Variants in TTLL7 observed in about 807,000 individuals in gnomAD.
The protein encoded by TTLL7 is tubulin tyrosine ligase like 7, also known as tubulin polyglutamylase TTLL7.
A neutral mutation model predicts 120.2 loss-of-function variants in TTLL7; 53 were observed. The observed-to-expected ratio is 0.44, with a 90% CI of 0.35 to 0.55. The LOEUF is 0.55. Ranked by LOEUF, TTLL7 falls within the 20% of genes least tolerant of loss-of-function variation. The pLI is 0.00. For synonymous variants in TTLL7, 353 were observed against 351.7 expected, an observed-to-expected ratio of 1.00 and a Z score of -0.04; for missense variants, 803 against 1,054.7, an observed-to-expected ratio of 0.76 and a Z score of 3.31.
At chr1:83,979,307 G>A (rs894440867) in intron 1 of TTLL7, 2 of 152,200 alleles carry the variant, frequency 1.3e-5, no homozygotes, top group Non-Finnish European at 2.9e-5. Context: ...TGTTCCTTGT[G>A]TGCTGAGTCT....
At chr1:83,883,208 T>A in intron 19 of TTLL7, 72 bp from the exon 20 acceptor site, 1 of 1,273,226 alleles carries the variant, frequency 7.9e-7, no homozygotes, top group Non-Finnish European at 1.1e-6. Flanking sequence ...ATCACTTCCC[T>A]AGCAACAAAC....
At chr1:83,995,960 TA>T (rs1281460993) in intron 1 of TTLL7, among the ~76,000 whole-genome samples, 1 of 152,152 alleles carries the variant, frequency 6.6e-6, no homozygotes, top group Non-Finnish European at 1.5e-5. Context: ...TTAAACCTAG[TA>T]TTAAGCCAGT....
At chr1:83,876,592 A>T (rs1301623862) in intron 20 of TTLL7, among the ~76,000 whole-genome samples, 1 of 151,994 alleles carries the variant, frequency 6.6e-6, no homozygotes, top group Non-Finnish European at 1.5e-5. Context: ...TGAATAAGAC[A>T]TACTTTTCCA....
intron 4 of TTLL7, 114 bp from the exon 5 acceptor site, chr1:83,948,809 A>T: frequency 1.5e-6 from 1 of 656,228 alleles, no homozygotes; most frequent in Non-Finnish European, 2.6e-6. Flanking sequence ...ACTGCCAATT[A>T]TTAATCTAAA....
chr1:83,974,577 C>T (rs1345680807), intron 1 of TTLL7, among the ~76,000 whole-genome samples: 1 of 151,938 alleles, frequency 6.6e-6, no homozygotes, highest in Non-Finnish European at 1.5e-5. Flanking sequence ...AAGGTATTGT[C>T]TTCATGCCAT....
chr1:83,933,679 C>A lies in TTLL7; in HGVS notation c.976G>T (p.Glu326Ter). ...CCCAGGACTTCAAAGCAGACACTTT[C>A]GCTTCCTGGAGGTTGACCAGGTCTA... ...MCRPGQPPGS[E>*]SVCFEVLGFD... The change falls in exon 9 of 21, where the codon GAA becomes TAA. Residue 326 changes from glutamate (E) to a stop codon, truncating the protein, a stop_gained. Transcript: ENST00000260505. LOFTEE classifies it high-confidence loss of function. 4 of 1,613,768 alleles carry A rather than the reference C, an allele frequency of 2.5e-6. No homozygotes were observed. Among genetic ancestry groups the A allele is most frequent in the Non-Finnish European group, 3.4e-6 (4 of 1,179,762 alleles).
intron 8 of TTLL7, among the ~76,000 whole-genome samples, 191 bp from the exon 9 acceptor site, chr1:83,933,957 T>C (rs1647192648): frequency 6.6e-6 from 1 of 152,120 alleles, no homozygotes. Flanking sequence ...TTGCTTTGGG[T>C]TCCTCAAGTA....
At chr1:83,897,732 C>A (rs1465305977) in intron 18 of TTLL7, among the ~76,000 whole-genome samples, 1 of 151,980 alleles carries the variant, frequency 6.6e-6, no homozygotes, top group Non-Finnish European at 1.5e-5. Flanking sequence ...CAGAGATCCA[C>A]TAAAGTCTGA....
rs1174257147 is a variant in TTLL7 at position 83,903,048 on chromosome 1, GA to G, written c.2208+1030del. Among the ~76,000 whole-genome samples, 4 of 151,862 alleles carry G rather than the reference GA, an allele frequency of 2.6e-5. No individual in the cohort carries two copies. In the East Asian group the frequency reaches 7.8e-4, roughly 30 times the overall value. On this transcript the variant is annotated intron_variant, in intron 18 of 20. Transcript: ENST00000260505. ...TCTATTCTTCACAAGTAGTTCTCAT[GA>G]TTCTCTTAAATTCTAACAGGCTATG... is the stretch of plus-strand genomic sequence containing the variant.
rs1036047126 is a variant in TTLL7 at position 83,922,081 on chromosome 1, A to G, written c.1143-687T>C. 4.6e-5 allele frequency among the ~76,000 whole-genome samples: 7 copies of G among 152,008 alleles called. No individual in the cohort carries two copies. In the East Asian group the frequency reaches 1.4e-3, roughly 29 times the overall value. On this transcript the variant is annotated intron_variant, in intron 10 of 20. Coordinates refer to ENST00000260505, the MANE Select transcript of TTLL7 (RefSeq NM_024686.6). Reference sequence around the variant, plus strand: ...CTGGTGAAATAACACAAGCCTGAGGATTTTTCTCTCCAACCCCTTCAACTT... The same window carrying G: ...CTGGTGAAATAACACAAGCCTGAGGGTTTTTCTCTCCAACCCCTTCAACTT...
intron 1 of TTLL7, chr1:83,979,314 G>A (rs1651764761): frequency 6.6e-6 from 1 of 152,220 alleles, no homozygotes; most frequent in Non-Finnish European, 1.5e-5. Flanking sequence ...TGTGTGCTGA[G>A]TCTGCCTCCG....
intron 14 of TTLL7, among the ~76,000 whole-genome samples, chr1:83,915,403 A>G (rs935323078): frequency 6.6e-6 from 1 of 152,244 alleles, no homozygotes; most frequent in Non-Finnish European, 1.5e-5. Flanking sequence ...AGGATTCCCT[A>G]TTTAATAAAT....
chr1:83,879,292 G>A (rs887860003), intron 20 of TTLL7, among the ~76,000 whole-genome samples: 1 of 151,930 alleles, frequency 6.6e-6, no homozygotes, highest in Non-Finnish European at 1.5e-5. Flanking sequence ...AGGGAGAAAT[G>A]TTTACTTCTC....
rs143450283 is a variant in TTLL7 at position 83,973,420 on chromosome 1, T to G, written c.-176-21033A>C. On this transcript the variant is annotated intron_variant, in intron 1 of 20. Coordinates refer to ENST00000260505, the MANE Select transcript of TTLL7 (RefSeq NM_024686.6). ...TTCCAAGCTCTCTATTTTGTCCTAT[T>G]GATCTATTTGTCTATTCTTTTGCCA... 2.5e-4 allele frequency among the ~76,000 whole-genome samples: 38 copies of G among 152,226 alleles called. No homozygotes were observed. The East Asian group carries it at 6.4e-3, about 26-fold the overall frequency.
At chr1:83,897,739 C>T (rs1656364789) in intron 18 of TTLL7, among the ~76,000 whole-genome samples, 1 of 151,944 alleles carries the variant, frequency 6.6e-6, no homozygotes. Context: ...CCACTAAAGT[C>T]TGAGGTTCTT....
intron 10 of TTLL7, among the ~76,000 whole-genome samples, chr1:83,926,198 A>G (rs190732759): frequency 6.6e-6 from 1 of 152,192 alleles, no homozygotes; most frequent in Admixed American, 6.5e-5. Context: ...TTGTTAGCAG[A>G]GAAAAAAATA....
At chr1:83,969,308 C>T (rs1278726264) in intron 1 of TTLL7, among the ~76,000 whole-genome samples, 1 of 151,822 alleles carries the variant, frequency 6.6e-6, no homozygotes, top group East Asian at 1.9e-4. Flanking sequence ...TATATTGATT[C>T]CAATCAGTGT....
At chr1:83,892,160 T>A (rs1365100841) in intron 18 of TTLL7, among the ~76,000 whole-genome samples, 1 of 150,312 alleles carries the variant, frequency 6.7e-6, no homozygotes, top group Non-Finnish European at 1.5e-5. Flanking sequence ...TAAAAACAAT[T>A]AAGTTTTAAA....
chr1:83,937,754 C>A, intron 8 of TTLL7, 98 bp downstream of exon 8: 1 of 1,414,952 alleles, frequency 7.1e-7, no homozygotes, highest in Admixed American at 1.8e-5. Context: ...TATAGGGAAC[C>A]AAGTTCAATC....
Sources: allele counts gnomAD v4.1 joint callset (sites outside exome capture counted in the v4.1 genomes callset), GRCh38; gene constraint gnomAD v4.1.1; transcripts MANE v1.5; gene names NCBI Gene and HGNC (gene_info 2026-07-23, HGNC 2026-07-21).